Variants in SUCLA2 observed in about 807,000 individuals in gnomAD.
SUCLA2 encodes the protein succinate--CoA ligase [ADP-forming] subunit beta, mitochondrial.
SUCLA2 carries 30 observed loss-of-function variants against 54.8 expected under a neutral mutation model. The observed-to-expected ratio is 0.55, with a 90% confidence interval of 0.41 to 0.74. The LOEUF is 0.74. SUCLA2 is among the 30% of genes least tolerant of loss of function. SUCLA2 has a pLI of 0.00. For missense variants in SUCLA2, 476 were observed against 562.9 expected (o/e 0.85, Z 1.56); for synonymous variants, 172 against 188.9 (o/e 0.91, Z 0.74).
At chr13:47,954,323 A>T in intron 7 of SUCLA2, 41 bp from the exon 8 acceptor site, 4 of 1,613,862 alleles carry the variant, frequency 2.5e-6, no homozygotes, top group Non-Finnish European at 3.4e-6. Flanking sequence ...ACAAACACAG[A>T]GAAAATAAAT....
At position 47,955,145 on chromosome 13, in the gene SUCLA2, G is replaced by A. The variant is rs1555256517; in HGVS notation, c.803-588C>T. On this transcript the variant is annotated intron_variant, in intron 6 of 10. Coordinates refer to ENST00000646932, the MANE Select transcript of SUCLA2 (RefSeq NM_003850.3). ...GGGTCTCAGAACAAGGGTTTCTGGG[G>A]AAAAAAAAGAAATAGAGGGGTGAGC... Among the ~76,000 whole-genome samples the A allele has an allele frequency of 4.1e-4, 62 of 151,808 alleles. 1 individual carries two copies. The highest frequency in any genetic ancestry group is 2.9e-5 in the Non-Finnish European group (2 of 67,924).
rs761921467 is a variant in SUCLA2 at position 47,988,908 on chromosome 13, G to A, written c.345C>T (p.Leu115=). 1.2e-6 allele frequency: 2 copies of A among 1,612,834 alleles called. No homozygotes were observed. Among genetic ancestry groups the A allele is most frequent in the African/African-American group, 2.7e-5 (2 of 74,856 alleles). The change falls in exon 3 of 11, where the codon CTC becomes CTT. Residue 115 remains leucine, a synonymous_variant. Coordinates refer to ENST00000646932, the MANE Select transcript of SUCLA2 (RefSeq NM_003850.3). Reference sequence around the variant, plus strand: ...AGAAAACTATCTTCACTCCTCCTTTGAGGCCACTTTCAAATGTTCCTTTTC... The same window carrying A: ...AGAAAACTATCTTCACTCCTCCTTTAAGGCCACTTTCAAATGTTCCTTTTC... ...GRGKGTFESG[L]KGGVKIVFSP... is the part of the protein sequence containing the mutation.
At chr13:47,955,390 T>C (rs1031192181) in intron 6 of SUCLA2, among the ~76,000 whole-genome samples, 4 of 151,972 alleles carry the variant, frequency 2.6e-5, no homozygotes, top group African/African-American at 7.2e-5. Context: ...TTAGTAGAGA[T>C]AGGGTTTTGC....
intron 6 of SUCLA2, among the ~76,000 whole-genome samples, chr13:47,963,723 T>A (rs1326790087): frequency 1.3e-5 from 2 of 151,926 alleles, no homozygotes; most frequent in African/African-American, 2.4e-5. Context: ...TACATACACA[T>A]ACACACACAC....
intron 10 of SUCLA2, among the ~76,000 whole-genome samples, chr13:47,948,020 ATT>A (rs993880110): frequency 1.3e-5 from 2 of 152,208 alleles, no homozygotes; most frequent in African/African-American, 4.8e-5. Flanking sequence ...AACAGACTGT[ATT>A]TTTATAAAAC....
At chr13:47,974,731 A>G (rs925780351) in intron 4 of SUCLA2, among the ~76,000 whole-genome samples, 5 of 152,248 alleles carry the variant, frequency 3.3e-5, no homozygotes, top group African/African-American at 4.8e-5. Context: ...CAATCAAGAA[A>G]AAATCATAAA....
At chr13:47,959,564 A>AAGGAGG (rs1566083612) in intron 6 of SUCLA2, among the ~76,000 whole-genome samples, 1 of 148,434 alleles carries the variant, frequency 6.7e-6, no homozygotes, top group Non-Finnish European at 1.5e-5. Context: ...AGCCCAGGAG[A>AAGGAGG]AGGAGGAGGA....
intron 6 of SUCLA2, among the ~76,000 whole-genome samples, chr13:47,959,421 A>G (rs990432472): frequency 2.3e-4 from 32 of 140,998 alleles, no homozygotes; most frequent in East Asian, 1.9e-3. Flanking sequence ...GGAGAGGGAG[A>G]AGGAGGAGGG....
chr13:47,989,002 T>C (rs1950129000), intron 2 of SUCLA2, 21 bp from the exon 3 acceptor site: 1 of 1,600,380 alleles, frequency 6.2e-7, no homozygotes, highest in South Asian at 1.1e-5. Context: ...AACACTTCTA[T>C]TAAATATGAA....
intron 6 of SUCLA2, among the ~76,000 whole-genome samples, chr13:47,957,477 T>C (rs1949830620): frequency 1.3e-5 from 2 of 152,214 alleles, no homozygotes; most frequent in East Asian, 3.9e-4. Flanking sequence ...TGGCTGAAGG[T>C]GAGTGTCAGT....
chr13:47,968,063 A>G (rs934147896), intron 6 of SUCLA2, among the ~76,000 whole-genome samples: 1 of 152,190 alleles, frequency 6.6e-6, no homozygotes, highest in African/African-American at 2.4e-5. Context: ...AAGATGCAAA[A>G]TGTATATAGT....
rs760435152 is a variant in SUCLA2, at chr13:47,988,688, T to G, written c.387A>C (p.Lys129Asn). Reference protein sequence around the residue: ...VKIVFSPEEAKAVSSQMIGKK... With the variant: ...VKIVFSPEEANAVSSQMIGKK... ...TCCCAATCATTTGTGAAGAAACAGC[T>G]TTTGCTTCTTCTGGACTAAAATAAG... The change falls in exon 4 of 11, where the codon AAA becomes AAC. Residue 129 changes from lysine (K) to asparagine (N), a missense_variant. Physicochemically the swap from Lys to Asn is moderately conservative, Grantham distance 94. Around this residue, in one of 2 missense-constraint regions of SUCLA2, gnomAD observed 342 missense variants for 444.2 expected, o/e 0.77. Transcript: ENST00000646932. 4 of 1,613,880 alleles carry G rather than the reference T, an allele frequency of 2.5e-6. No homozygotes were observed. The highest frequency in any genetic ancestry group is 3.4e-6 in the Non-Finnish European group (4 of 1,179,932).
chr13:47,948,858 AAATT>A, intron 10 of SUCLA2, 78 bp downstream of exon 10: 2 of 1,286,684 alleles, frequency 1.6e-6, no homozygotes, highest in East Asian at 4.6e-5. Flanking sequence ...GCTGAAACAC[AAATT>A]ATTAGCTGTA....
At chr13:47,996,747 A>T (rs1593505581) in intron 2 of SUCLA2, 96 bp downstream of exon 2, 2 of 1,173,836 alleles carry the variant, frequency 1.7e-6, no homozygotes, top group Non-Finnish European at 1.2e-6. Flanking sequence ...ATTTTTTTTA[A>T]AAAAAAGCTA....
intron 6 of SUCLA2, chr13:47,965,787 G>A (rs1436503941): frequency 2.1e-5 from 8 of 390,044 alleles, no homozygotes; most frequent in Admixed American, 4.5e-5. Context: ...CTTGGCTTGC[G>A]CCTGTAATCC....
At position 47,959,506 on chromosome 13, in the gene SUCLA2, A is replaced by AGGG. The variant is rs1949850291; in HGVS notation, c.803-4950_803-4949insCCC. Among the ~76,000 whole-genome samples the AGGG allele has an allele frequency of 6.5e-4, 3 of 4,604 alleles. No homozygotes were observed. In the Admixed American group the frequency reaches 8.1e-3, roughly 12 times the overall value. 3.0% of individuals were successfully genotyped at this position (4,604 alleles called of 152,430 possible). Reference sequence around the variant, plus strand: ...AGGAGGGGGGAAGGGGAGCGGGGGGAGGAGGAGGAGGAGGAGGAGGAGGAG... The same window carrying AGGG: ...AGGAGGGGGGAAGGGGAGCGGGGGGAGGGGGAGGAGGAGGAGGAGGAGGAGGAG... On this transcript the variant is annotated intron_variant, in intron 6 of 10. Transcript: ENST00000646932.
intron 6 of SUCLA2, 98 bp downstream of exon 6, chr13:47,968,497 G>A: frequency 7.1e-7 from 1 of 1,402,840 alleles, no homozygotes; most frequent in Non-Finnish European, 9.9e-7. Context: ...TACATAGGTA[G>A]AAGTTTAACT....
chr13:47,958,871 CTG>C (rs1217221100), intron 6 of SUCLA2, among the ~76,000 whole-genome samples: 2 of 152,124 alleles, frequency 1.3e-5, no homozygotes, highest in Non-Finnish European at 2.9e-5. Context: ...TCTAGATAAA[CTG>C]TTTAAAATGA....
chr13:47,955,233 G>T (rs191294242), intron 6 of SUCLA2, among the ~76,000 whole-genome samples: 1 of 152,010 alleles, frequency 6.6e-6, no homozygotes, highest in Non-Finnish European at 1.5e-5. Context: ...ACAGGGTCTC[G>T]TTCTCACACC....
Sources: gnomAD v4.1 joint callset for allele counts (sites outside exome capture counted in the v4.1 genomes callset) on GRCh38, gnomAD v4.1.1 for gene constraint, gnomAD v4.1.1 regional missense constraint, MANE v1.5 for transcripts, NCBI Gene and HGNC (gene_info 2026-07-23, HGNC 2026-07-21) for gene names.